ABTB3: variants seen among roughly 807,000 people sequenced by gnomAD.
ABTB3 encodes ankyrin repeat- and BTB/POZ domain-containing protein 3.
At chr12:107,406,008 T>A in the ABTB3 span, among the ~76,000 whole-genome samples, 37 of 152,270 alleles carry the variant, frequency 2.4e-4, no homozygotes, top group African/African-American at 8.7e-4. Flanking sequence ...CAGCTTAGGG[T>A]TGTGGTTACG....
At chr12:107,617,247 G>A in the ABTB3 span, 1 of 1,613,734 alleles carries the variant, frequency 6.2e-7, no homozygotes, top group East Asian at 2.2e-5. Flanking sequence ...TGAAGTGCCT[G>A]TGACTATATT....
At chr12:107,488,884 T>C in the ABTB3 span, among the ~76,000 whole-genome samples, 1 of 151,532 alleles carries the variant, frequency 6.6e-6, no homozygotes, top group Non-Finnish European at 1.5e-5. Context: ...GTTGAAGGCC[T>C]GAGTCAGGAT....
the ABTB3 span, among the ~76,000 whole-genome samples, chr12:107,554,724 C>T: frequency 6.6e-6 from 1 of 152,158 alleles, no homozygotes; most frequent in South Asian, 2.1e-4. Flanking sequence ...GCCTGAGAGT[C>T]TCTGTTTCTA....
At chr12:107,531,535 A>G in the ABTB3 span, among the ~76,000 whole-genome samples, 1 of 152,084 alleles carries the variant, frequency 6.6e-6, no homozygotes, top group Non-Finnish European at 1.5e-5. Context: ...TCTTTGGCCA[A>G]TCATCCAGCA....
chr12:107,453,954 G>T, the ABTB3 span, among the ~76,000 whole-genome samples: 93 of 152,350 alleles, frequency 6.1e-4, no homozygotes, highest in Non-Finnish European at 1.1e-3. Context: ...GAGGATGGGG[G>T]CACTGTTTAC....
chr12:107,409,258 G>A, the ABTB3 span, among the ~76,000 whole-genome samples: 1 of 152,244 alleles, frequency 6.6e-6, no homozygotes, highest in Non-Finnish European at 1.5e-5. Flanking sequence ...AACCAGCTAT[G>A]TAGTTTGCAG....
the ABTB3 span, among the ~76,000 whole-genome samples, chr12:107,426,900 C>T: frequency 5.3e-5 from 8 of 152,198 alleles, no homozygotes; most frequent in Admixed American, 5.2e-4. Context: ...CCTTGAGTCA[C>T]CATCACCTGT....
At chr12:107,424,995 T>C in the ABTB3 span, among the ~76,000 whole-genome samples, 1 of 152,166 alleles carries the variant, frequency 6.6e-6, no homozygotes, top group South Asian at 2.1e-4. Flanking sequence ...ACTCCAGTGG[T>C]CCATGCTGCG....
the ABTB3 span, chr12:107,635,458 C>A: frequency 2.0e-6 from 3 of 1,464,076 alleles, no homozygotes; most frequent in South Asian, 2.4e-5. Flanking sequence ...CCAAAGAATG[C>A]CATAAGGAAT....
the ABTB3 span, among the ~76,000 whole-genome samples, chr12:107,379,058 C>A: frequency 6.6e-6 from 1 of 152,224 alleles, no homozygotes; most frequent in Admixed American, 6.5e-5. Context: ...CATGTACCTG[C>A]TGAATGACCT....
the ABTB3 span, among the ~76,000 whole-genome samples, chr12:107,656,636 C>T: frequency 6.6e-6 from 1 of 152,242 alleles, no homozygotes; most frequent in East Asian, 1.9e-4. Context: ...GGCTAATATA[C>T]AGTCACCATT....
the ABTB3 span, among the ~76,000 whole-genome samples, chr12:107,608,662 G>T: frequency 2.0e-5 from 3 of 152,024 alleles, no homozygotes; most frequent in Non-Finnish European, 4.4e-5. Context: ...TTGAGGCCAG[G>T]AGTTCGAGAG....
At chr12:107,436,117 A>T in the ABTB3 span, among the ~76,000 whole-genome samples, 3 of 152,146 alleles carry the variant, frequency 2.0e-5, no homozygotes, top group Non-Finnish European at 2.9e-5. Context: ...GCCCACGTGT[A>T]CCCAGTTCCC....
chr12:107,577,988 C>A, the ABTB3 span, among the ~76,000 whole-genome samples: 1 of 152,040 alleles, frequency 6.6e-6, no homozygotes, highest in Non-Finnish European at 1.5e-5. Context: ...AGGAGACAAC[C>A]AGTGGAACAT....
chr12:107,525,016 G>A, the ABTB3 span, among the ~76,000 whole-genome samples: 1 of 152,130 alleles, frequency 6.6e-6, no homozygotes, highest in African/African-American at 2.4e-5. Context: ...CTACATATAT[G>A]ATGGTGGTCC....
At chr12:107,330,164 G>A in the ABTB3 span, among the ~76,000 whole-genome samples, 2 of 152,172 alleles carry the variant, frequency 1.3e-5, no homozygotes, top group African/African-American at 4.8e-5. Context: ...CACTGCAGCT[G>A]GAATGGGAGA....
chr12:107,657,499 C>G, the ABTB3 span: 4 of 1,612,758 alleles, frequency 2.5e-6, no homozygotes, highest in Non-Finnish European at 2.5e-6. Flanking sequence ...TTCCTCTCCA[C>G]TCTCCACAGT....
the ABTB3 span, among the ~76,000 whole-genome samples, chr12:107,385,809 C>T: frequency 1.3e-5 from 2 of 152,190 alleles, no homozygotes; most frequent in African/African-American, 4.8e-5. Flanking sequence ...GCATTTCCTG[C>T]TCCTCGCTGG....
chr12:107,507,791 C>T, the ABTB3 span, among the ~76,000 whole-genome samples: 1 of 152,190 alleles, frequency 6.6e-6, no homozygotes, highest in East Asian at 1.9e-4. Context: ...ACCCCCTAGC[C>T]AGGTCACCTA....
Sources: allele counts gnomAD v4.1 joint callset (sites outside exome capture counted in the v4.1 genomes callset), GRCh38; gene constraint gnomAD v4.1.1; transcripts MANE v1.5; gene names NCBI Gene and HGNC (gene_info 2026-07-23, HGNC 2026-07-21).